Variants in NME5 observed in about 807,000 individuals in gnomAD.
NME5 encodes the protein NME/NM23 family member 5.
In NME5, 18 loss-of-function variants were observed where a neutral mutation model predicts 21.6. The ratio of observed to expected loss-of-function variants is 0.83; its 90% CI spans 0.58 to 1.24. The LOEUF (loss-of-function observed/expected upper bound fraction) is 1.24, where lower values mean the gene tolerates loss of function less well. NME5 is among the 50% of genes most tolerant of loss of function. NME5 has a pLI of 0.00. For synonymous variants in NME5, 70 were observed against 80.6 expected (o/e 0.87, Z 0.71); for missense variants, 223 against 255.4 (o/e 0.87, Z 0.86).
At chr5:138,133,918 A>G (rs576947311) in intron 2 of NME5, among the ~76,000 whole-genome samples, 23 of 147,044 alleles carry the variant, frequency 1.6e-4, no homozygotes, top group Non-Finnish European at 3.1e-4. Flanking sequence ...ATGGTTGTAC[A>G]ACAATGTGAA....
At chr5:138,122,463 A>AAAAAAAAAAAAAAG (rs1196337031) in intron 4 of NME5, among the ~76,000 whole-genome samples, 5 of 149,018 alleles carry the variant, frequency 3.4e-5, no homozygotes, top group Admixed American at 6.7e-5. Context: ...AAAAAAAAAA[A>AAAAAAAAAAAAAAG]AAAAAATTGT....
At chr5:138,126,386 C>T (rs571156620) in intron 4 of NME5, among the ~76,000 whole-genome samples, 51 of 151,318 alleles carry the variant, frequency 3.4e-4, no homozygotes, top group Non-Finnish European at 3.2e-4. Flanking sequence ...TGGTGCACAC[C>T]TGGGGTTCCA....
At chr5:138,127,172 T>C (rs903286545) in intron 4 of NME5, among the ~76,000 whole-genome samples, 1 of 152,106 alleles carries the variant, frequency 6.6e-6, no homozygotes, top group African/African-American at 2.4e-5. Context: ...CTTTTCAGAC[T>C]GTACAGAAAG....
intron 5 of NME5, among the ~76,000 whole-genome samples, 154 bp from the exon 6 acceptor site, chr5:138,115,918 T>C (rs1751147743): frequency 6.6e-6 from 1 of 152,188 alleles, no homozygotes; most frequent in Non-Finnish European, 1.5e-5. Flanking sequence ...TTATGCAAGA[T>C]TGTCAAGAAT....
Position 138,138,758 on chromosome 5 carries a change from G to A in NME5, c.23C>T (p.Pro8Leu). The A allele has an allele frequency of 1.2e-6, 2 of 1,611,546 alleles. No individual in the cohort carries two copies. Among genetic ancestry groups the A allele is most frequent in the Non-Finnish European group, 1.7e-6 (2 of 1,179,336 alleles). Residue 8 changes from proline to leucine, a missense_variant, in exon 2 of 6, where the codon CCT becomes CTT. Transcript: ENST00000265191. ...CAGAGTTTTTTCTACATATATCTGAGGTGGAGGCATTGATATCTCCATTAT... is the reference window on the plus strand; with the variant it reads ...CAGAGTTTTTTCTACATATATCTGAAGTGGAGGCATTGATATCTCCATTAT... The part of the protein sequence containing the change: MEISMPP[P>L]QIYVEKTLAI...
At chr5:138,127,583 AT>A (rs1296780129) in intron 4 of NME5, 3 of 984,510 alleles carry the variant, frequency 3.0e-6, no homozygotes, top group African/African-American at 1.7e-5. Context: ...AATGCTTTGC[AT>A]TTTTTTCCTT....
chr5:138,132,860 T>C (rs778655435), intron 2 of NME5, among the ~76,000 whole-genome samples: 2 of 152,230 alleles, frequency 1.3e-5, no homozygotes, highest in Non-Finnish European at 2.9e-5. Context: ...TGTGAGAAAT[T>C]ACAAGAGCAC....
intron 2 of NME5, 133 bp from the exon 3 acceptor site, chr5:138,129,601 G>A (rs1013229785): frequency 6.0e-5 from 39 of 651,666 alleles, no homozygotes; most frequent in Non-Finnish European, 9.8e-5. Context: ...TATGAAGAAA[G>A]AAAAGGATAT....
At chr5:138,138,420 C>A (rs1751766379) in intron 2 of NME5, 3 of 400,796 alleles carry the variant, frequency 7.5e-6, no homozygotes, top group African/African-American at 4.2e-5. Context: ...GTGGTTGCCT[C>A]TCTCTGGAGC....
At chr5:138,128,019 T>C (rs1751461608) in intron 4 of NME5, among the ~76,000 whole-genome samples, 1 of 152,120 alleles carries the variant, frequency 6.6e-6, no homozygotes, top group Admixed American at 6.5e-5. Flanking sequence ...TCTGAGAGTA[T>C]GCTGGGCAAT....
chr5:138,121,381 G>A (rs998539705), intron 4 of NME5, among the ~76,000 whole-genome samples: 3 of 152,046 alleles, frequency 2.0e-5, no homozygotes, highest in African/African-American at 7.2e-5. Flanking sequence ...GGGCACCACT[G>A]CACTTCAGCC....
intron 3 of NME5, 33 bp from the exon 4 acceptor site, chr5:138,128,612 T>C: frequency 6.8e-7 from 1 of 1,472,934 alleles, no homozygotes; most frequent in South Asian, 1.2e-5. Context: ...GTCCATCCAA[T>C]CTAACGTCTA....
At chr5:138,139,050 C>T (rs1253009923) in intron 1 of NME5, 2 of 241,224 alleles carry the variant, frequency 8.3e-6, no homozygotes, top group Non-Finnish European at 1.6e-5. Flanking sequence ...GCTCACATAA[C>T]CAGAGGCCAA....
intron 2 of NME5, among the ~76,000 whole-genome samples, chr5:138,131,060 A>G (rs1751553593): frequency 6.6e-6 from 1 of 150,908 alleles, no homozygotes; most frequent in Non-Finnish European, 1.5e-5. Context: ...GTGAAACCCC[A>G]TCTTTACTAA....
At chr5:138,136,525 A>G (rs752272996) in intron 2 of NME5, among the ~76,000 whole-genome samples, 7 of 152,130 alleles carry the variant, frequency 4.6e-5, no homozygotes, top group Non-Finnish European at 1.0e-4. Context: ...TGTATTAAGA[A>G]GACAAGCCCT....
At chr5:138,116,404 T>C (rs1461976603) in intron 5 of NME5, 1 of 152,144 alleles carries the variant, frequency 6.6e-6, no homozygotes, top group Non-Finnish European at 1.5e-5. Flanking sequence ...TCATATGAAA[T>C]TGCAAGGGGC....
At chr5:138,127,697 C>T in intron 4 of NME5, 1 of 984,940 alleles carries the variant, frequency 1.0e-6, no homozygotes, top group Non-Finnish European at 1.2e-6. Context: ...AGGTTTACAA[C>T]TTCTCTAACA....
intron 5 of NME5, among the ~76,000 whole-genome samples, chr5:138,117,943 C>T (rs919949664): frequency 7.3e-5 from 11 of 151,572 alleles, no homozygotes; most frequent in African/African-American, 2.4e-4. Flanking sequence ...CAGATTGCGC[C>T]TCTGCATTCC....
chr5:138,128,814 G>A (rs1751493012), intron 3 of NME5, among the ~76,000 whole-genome samples: 1 of 152,250 alleles, frequency 6.6e-6, no homozygotes, highest in Non-Finnish European at 1.5e-5. Context: ...GGATAAAAAC[G>A]TGGTGTTGTT....
Sources: allele counts gnomAD v4.1 joint callset (sites outside exome capture counted in the v4.1 genomes callset), GRCh38; gene constraint gnomAD v4.1.1; transcripts MANE v1.5; gene names NCBI Gene and HGNC (gene_info 2026-07-23, HGNC 2026-07-21).